WDR93: variants seen among roughly 807,000 people sequenced by gnomAD.
WDR93 encodes the protein WD repeat domain 93.
WDR93 carries 73 observed loss-of-function variants against 82.9 expected under a neutral mutation model. The ratio of observed to expected loss-of-function variants is 0.88; its 90% CI spans 0.73 to 1.07. The LOEUF (loss-of-function observed/expected upper bound fraction) is 1.07. Among genes scored for constraint, WDR93 ranks in the 50% least tolerant of loss-of-function variants. WDR93 has a pLI of 0.00. For synonymous variants in WDR93, 283 were observed against 300.1 expected, an observed-to-expected ratio of 0.94 and a Z score of 0.59; for missense variants, 738 against 826.0, an observed-to-expected ratio of 0.89 and a Z score of 1.31.
At chr15:89,704,719 G>T (rs1819842000) in intron 3 of WDR93, 1 of 152,222 alleles carries the variant, frequency 6.6e-6, no homozygotes, top group South Asian at 2.1e-4. Context: ...ATCTCTGTGG[G>T]AATGTTGATA....
At chr15:89,729,164 A>C in intron 10 of WDR93, 71 bp downstream of exon 10, 1 of 1,412,466 alleles carries the variant, frequency 7.1e-7, no homozygotes, top group Non-Finnish European at 1.0e-6. Flanking sequence ...GCAAGCCCCC[A>C]CAGAGATGTT....
intron 4 of WDR93, among the ~76,000 whole-genome samples, chr15:89,711,780 A>G (rs549423618): frequency 4.5e-4 from 68 of 152,366 alleles, no homozygotes; most frequent in African/African-American, 1.3e-3. Flanking sequence ...AGATGTCACC[A>G]GGAGCATTTA....
Position 89,703,034 on chromosome 15 carries a change from T to C in WDR93, c.388T>C (p.Tyr130His), listed in dbSNP as rs759197306. The C allele has an allele frequency of 2.1e-5, 34 of 1,614,130 alleles. No individual in the cohort carries two copies. In the South Asian group the frequency reaches 3.7e-4, roughly 18 times the overall value. ...CAAAGGATTCTCAATTTATAATCTGTACAGTGCTAAACAAATATATGCGTG... is the reference window on the plus strand; with the variant it reads ...CAAAGGATTCTCAATTTATAATCTGCACAGTGCTAAACAAATATATGCGTG... Reference protein sequence around the residue: ...GAKGFSIYNLYSAKQIYAWEK... With the variant: ...GAKGFSIYNLHSAKQIYAWEK... The change falls in exon 3 of 17, where the codon TAC becomes CAC. Residue 130 changes from tyrosine to histidine, a missense_variant. Coordinates refer to ENST00000268130, the MANE Select transcript of WDR93 (RefSeq NM_020212.2).
rs776213380 is a variant in WDR93, at chr15:89,703,024, T to A, written c.378T>A (p.Ile126=). ...TTGGAGGAGCCAAAGGATTCTCAAT[T>A]TATAATCTGTACAGTGCTAAACAAA... ...VFIGGAKGFS[I]YNLYSAKQIY... The change falls in exon 3 of 17, where the codon ATT becomes ATA. Residue 126 remains isoleucine, a synonymous_variant. Transcript: ENST00000268130. 1 of 1,614,094 alleles carries A rather than the reference T, an allele frequency of 6.2e-7. No individual in the cohort carries two copies. Among genetic ancestry groups the A allele is most frequent in the Non-Finnish European group, 8.5e-7 (1 of 1,180,030 alleles).
intron 3 of WDR93, 39 bp from the exon 4 acceptor site, chr15:89,705,515 T>C (rs1965688092): frequency 1.6e-6 from 2 of 1,231,758 alleles, no homozygotes; most frequent in Non-Finnish European, 2.4e-6. Flanking sequence ...TTCAGCTCAA[T>C]TGTCTGTCTT....
chr15:89,720,101 C>T (rs1041054571), intron 7 of WDR93, among the ~76,000 whole-genome samples: 3 of 151,922 alleles, frequency 2.0e-5, no homozygotes, highest in Admixed American at 2.0e-4. Flanking sequence ...CCCAGCTCCT[C>T]TTCTAGTTTC....
intron 14 of WDR93, among the ~76,000 whole-genome samples, chr15:89,736,865 C>T (rs1967226033): frequency 6.6e-6 from 1 of 150,858 alleles, no homozygotes; most frequent in South Asian, 2.1e-4. Context: ...AATCTTGGCT[C>T]ACTGCAAGCT....
intron 14 of WDR93, among the ~76,000 whole-genome samples, chr15:89,736,999 G>C (rs4932246): frequency 2.0e-5 from 3 of 151,874 alleles, no homozygotes; most frequent in East Asian, 1.9e-4. Flanking sequence ...CACCGTGTTA[G>C]CCAGGATGGT....
At chr15:89,713,235 T>C (rs901175786) in intron 5 of WDR93, among the ~76,000 whole-genome samples, 1 of 151,680 alleles carries the variant, frequency 6.6e-6, no homozygotes, top group Non-Finnish European at 1.5e-5. Context: ...TTGAGGGAGA[T>C]ACTTTGAGAG....
chr15:89,705,236 A>G (rs1232361542), intron 3 of WDR93: 1 of 318,756 alleles, frequency 3.1e-6, no homozygotes, highest in Admixed American at 5.1e-5. Context: ...TGAAGCAGTA[A>G]GGGATGGTGT....
chr15:89,735,367 G>T, intron 13 of WDR93, 123 bp from the exon 14 acceptor site: 1 of 953,790 alleles, frequency 1.0e-6, no homozygotes, highest in Non-Finnish European at 1.6e-6. Flanking sequence ...TTGCTACTAT[G>T]AACAGCCTCC....
In WDR93 at chr15:89,735,479, C is replaced by G. The variant is rs1967091349; in HGVS notation, c.1545-11C>G. On this transcript the variant is annotated splice_polypyrimidine_tract_variant and intron_variant, in intron 13 of 16. Coordinates refer to ENST00000268130, the MANE Select transcript of WDR93 (RefSeq NM_020212.2). ...AAGTAGGAGAATGTCTGTATATTTT[C>G]TGTCCTATAGGCCTGTAAAGCACCT... 27 of 1,613,742 alleles carry G rather than the reference C, an allele frequency of 1.7e-5. No individual in the cohort carries two copies. The highest frequency in any genetic ancestry group is 2.3e-5 in the Non-Finnish European group (27 of 1,179,686).
chr15:89,735,161 T>A (rs1967060233), intron 13 of WDR93, among the ~76,000 whole-genome samples: 1 of 152,162 alleles, frequency 6.6e-6, no homozygotes, highest in Non-Finnish European at 1.5e-5. Context: ...TGTGAGCCAC[T>A]GCACCCAGCC....
At chr15:89,738,339 T>C in intron 16 of WDR93, 103 bp downstream of exon 16, 1 of 1,388,982 alleles carries the variant, frequency 7.2e-7, no homozygotes, top group Non-Finnish European at 9.7e-7. Context: ...CATTGAAATT[T>C]CCCCTGGCTG....
chr15:89,703,709 CT>C (rs1367536660), intron 3 of WDR93: 1 of 153,376 alleles, frequency 6.5e-6, no homozygotes, highest in East Asian at 1.9e-4. Context: ...AGCTTTCCTA[CT>C]TTGTGGAGGA....
At position 89,701,814 on chromosome 15, in the gene WDR93, T is replaced by G; in HGVS notation, c.68T>G (p.Leu23Trp). 6.2e-7 allele frequency: 1 copy of G among 1,614,150 alleles called. No homozygotes were observed. ...KHPIGTRKGP[L>W]EVPPPTEKDW... is the part of the protein sequence containing the mutation. ...CCCATTGGTACACGAAAGGGACCAT[T>G]GGAGGTGCCACCCCCAACAGAGAAG... Residue 23 changes from leucine (L) to tryptophan (W), a missense_variant, in exon 2 of 17, where the codon TTG becomes TGG. Leu to Trp is a moderately conservative substitution (Grantham distance 61). Transcript: ENST00000268130.
In WDR93 at chr15:89,722,088, T is replaced by C. The variant is rs1395591200; in HGVS notation, c.829T>C (p.Leu277=). 1.2e-6 allele frequency: 2 copies of C among 1,610,062 alleles called. No individual in the cohort carries two copies. The highest frequency in any genetic ancestry group is 1.7e-6 in the Non-Finnish European group (2 of 1,178,714). Residue 277 remains leucine, a synonymous_variant, in exon 8 of 17, where the codon TTG becomes CTG. Transcript: ENST00000268130. ...TGTTAGTTTTAAAGGAGACATTAAA[T>C]TGAGTCTTCCAGTTTACATAATGAA... The part of the protein sequence containing the change: ...ANVSFKGDIK[L]SLPVYIMKIK...
chr15:89,712,052 T>A lies in WDR93; in HGVS notation c.588T>A (p.Cys196Ter). Residue 196 changes from cysteine to a stop codon, truncating the protein, a stop_gained, in exon 5 of 17, where the codon TGT becomes TGA. Coordinates refer to ENST00000268130, the MANE Select transcript of WDR93 (RefSeq NM_020212.2). LOFTEE classifies it high-confidence loss of function. The stretch of plus-strand genomic sequence containing the variant: ...ATGATACCAGCAAGCAAACTACCTG[T>A]ATAAAGATGGAGATCTCTCAAGGAG... The part of the protein sequence containing the change: ...EVDDTSKQTT[C>*]IKMEISQGGD... 5.6e-6 allele frequency: 9 copies of A among 1,613,588 alleles called. No homozygotes were observed. The highest frequency in any genetic ancestry group is 7.6e-6 in the Non-Finnish European group (9 of 1,179,692).
intron 1 of WDR93, among the ~76,000 whole-genome samples, chr15:89,697,878 ATTTTTTT>A (rs377526780): frequency 7.6e-6 from 1 of 130,748 alleles, no homozygotes; most frequent in African/African-American, 3.0e-5. Flanking sequence ...CACTTTTATA[ATTTTTTT>A]TTTTTTTTTT....
Sources: gnomAD v4.1 joint callset for allele counts (sites outside exome capture counted in the v4.1 genomes callset) on GRCh38, gnomAD v4.1.1 for gene constraint, MANE v1.5 for transcripts, NCBI Gene and HGNC (gene_info 2026-07-23, HGNC 2026-07-21) for gene names.